The following CLEC16A variants were observed in gnomAD, a reference collection of about 807,000 sequenced individuals.
CLEC16A encodes C-type lectin domain containing 16A.
A neutral mutation model predicts 109.5 loss-of-function variants in CLEC16A; 51 were observed. The observed-to-expected ratio is 0.47, with a 90% CI of 0.37 to 0.59. The LOEUF is 0.59. Ranked by LOEUF, CLEC16A falls within the 20% of genes least tolerant of loss-of-function variation. CLEC16A has a pLI of 0.00. For synonymous variants in CLEC16A, 673 were observed against 564.2 expected (o/e 1.19, Z -2.73); for missense variants, 1,339 against 1,394.0 (o/e 0.96, Z 0.63).
At chr16:11,122,056 C>G (rs74009915) in intron 20 of CLEC16A, among the ~76,000 whole-genome samples, 2,105 of 151,766 alleles carry the variant, frequency 0.014, 32 homozygotes, top group African/African-American at 0.048. Context: ...GAACTTTGCC[C>G]TACTTCAAGG....
At chr16:10,967,998 T>A (rs1193615248) in intron 3 of CLEC16A, among the ~76,000 whole-genome samples, 1 of 152,202 alleles carries the variant, frequency 6.6e-6, no homozygotes, top group Admixed American at 6.5e-5. Flanking sequence ...GTTGCTGTGC[T>A]CCCCATCTGA....
In CLEC16A at chr16:11,028,732, A is replaced by G. The variant is rs1028162441; in HGVS notation, c.1537+3811A>G. On this transcript the variant is annotated intron_variant, in intron 13 of 23. Coordinates refer to ENST00000409790, the MANE Select transcript of CLEC16A (RefSeq NM_015226.3). ...TGTGAACACCACTTAATCAGGAGAT[A>G]GTACAGTTTCATTATCAGAAAAATA... is the stretch of plus-strand genomic sequence containing the variant. Among the ~76,000 whole-genome samples the G allele has an allele frequency of 3.9e-5, 6 of 152,342 alleles. No homozygotes were observed. In the East Asian group the frequency reaches 1.2e-3, roughly 29 times the overall value.
chr16:11,000,145 G>A (rs966962172), intron 10 of CLEC16A, among the ~76,000 whole-genome samples: 1 of 152,142 alleles, frequency 6.6e-6, no homozygotes, highest in Non-Finnish European at 1.5e-5. Flanking sequence ...GCCTCTGAAT[G>A]AACTTTATAT....
intron 22 of CLEC16A, among the ~76,000 whole-genome samples, chr16:11,160,328 G>A (rs753494710): frequency 3.9e-5 from 6 of 152,028 alleles, no homozygotes; most frequent in Non-Finnish European, 5.9e-5. Flanking sequence ...AGTCTCTCTC[G>A]GGCCTCGCTC....
chr16:10,975,842 G>A lies in CLEC16A; in HGVS notation c.729-1383G>A, dbSNP rs571767210. Among the ~76,000 whole-genome samples, 4 of 151,932 alleles carry A rather than the reference G, an allele frequency of 2.6e-5. No homozygotes were observed. The East Asian group carries it at 7.8e-4, about 30-fold the overall frequency. On this transcript the variant is annotated intron_variant, in intron 7 of 23. Transcript: ENST00000409790. ...TTTTTTTAATATTTTTAGTAGAGAC[G>A]GGTTTCACCATGTTGGCCAGGCTGG...
At chr16:10,945,715 G>A (rs2041324181) in intron 1 of CLEC16A, among the ~76,000 whole-genome samples, 1 of 152,190 alleles carries the variant, frequency 6.6e-6, no homozygotes, top group Admixed American at 6.5e-5. Flanking sequence ...GCCAGTAGTG[G>A]TAGCTGTGTT....
At chr16:11,156,425 T>TG (rs1822279439) in intron 22 of CLEC16A, 2 of 306,746 alleles carry the variant, frequency 6.5e-6, no homozygotes, top group Non-Finnish European at 6.4e-6. Context: ...GCCAGAACCT[T>TG]GGGGGGCCAT....
chr16:11,149,410 T>C (rs2054203427), intron 22 of CLEC16A, among the ~76,000 whole-genome samples: 1 of 152,178 alleles, frequency 6.6e-6, no homozygotes. Context: ...GCATTGTTAA[T>C]ATTTCTGTTT....
intron 10 of CLEC16A, among the ~76,000 whole-genome samples, chr16:10,984,324 A>C (rs1055850268): frequency 1.3e-5 from 2 of 152,172 alleles, no homozygotes; most frequent in South Asian, 4.1e-4. Flanking sequence ...TGTCCTTGTT[A>C]GTGGTGGTGG....
At position 11,020,240 on chromosome 16, in the gene CLEC16A, G is replaced by A. The variant is rs200120297; in HGVS notation, c.1351G>A (p.Ala451Thr). ...MERSKLSELA[A>T]STSVQEQNTT... The stretch of plus-strand genomic sequence containing the variant: ...GCGTAGCAAGCTCTCAGAGCTGGCC[G>A]CCAGCACCTCCGTGCAGGAGCAGAA... Residue 451 changes from alanine (A) to threonine (T), a missense_variant, in exon 12 of 24, where the codon GCC (alanine) becomes ACC (threonine). Around this residue, in one of 3 missense-constraint regions of CLEC16A, gnomAD observed 1,061 missense variants for 1,006.8 expected, o/e 1.05. Coordinates refer to ENST00000409790, the MANE Select transcript of CLEC16A (RefSeq NM_015226.3). 27 of 1,613,440 alleles carry A rather than the reference G, an allele frequency of 1.7e-5. No homozygotes were observed. Among genetic ancestry groups the A allele is most frequent in the Middle Eastern group, 1.6e-4 (1 of 6,080 alleles).
At chr16:11,086,971 CAG>C (rs1284372934) in intron 19 of CLEC16A, among the ~76,000 whole-genome samples, 1 of 152,198 alleles carries the variant, frequency 6.6e-6, no homozygotes, top group African/African-American at 2.4e-5. Flanking sequence ...TTTGCCGTGT[CAG>C]AGAACCAACC....
At position 11,180,063 on chromosome 16, in the gene CLEC16A, G is replaced by T. The variant is rs2068910665; in HGVS notation, c.*1373G>T. On this transcript the variant is annotated 3_prime_UTR_variant, in exon 24 of 24. Transcript: ENST00000409790. Reference sequence around the variant, plus strand: ...TGAGACCTTCCACAACTTTCCTCCAGACCTGCCAGCAGATGTGCCCACCAG... The same window carrying T: ...TGAGACCTTCCACAACTTTCCTCCATACCTGCCAGCAGATGTGCCCACCAG... 1 of 152,324 alleles carries T rather than the reference G, an allele frequency of 6.6e-6. No homozygotes were observed. Among genetic ancestry groups the T allele is most frequent in the South Asian group, 2.1e-4 (1 of 4,830 alleles). The allele number at this position is 152,324 out of a possible 1,614,324, so 9.4% of individuals were successfully genotyped here. A position where few individuals can be genotyped will look rare whatever the true frequency, so the allele number is the denominator to read the frequency against.
At chr16:11,116,290 G>T (rs1288259242) in intron 19 of CLEC16A, among the ~76,000 whole-genome samples, 1 of 152,072 alleles carries the variant, frequency 6.6e-6, no homozygotes, top group African/African-American at 2.4e-5. Context: ...AGCTATTAGG[G>T]AGGCTGAGGC....
At chr16:11,085,309 T>C (rs1477162664) in intron 19 of CLEC16A, among the ~76,000 whole-genome samples, 3 of 152,270 alleles carry the variant, frequency 2.0e-5, no homozygotes, top group African/African-American at 7.2e-5. Flanking sequence ...AGGGCACATC[T>C]GTGGCTTATA....
chr16:11,067,183 G>GT (rs1459178844), intron 19 of CLEC16A, among the ~76,000 whole-genome samples: 4 of 104,826 alleles, frequency 3.8e-5, no homozygotes, highest in East Asian at 2.9e-4. Context: ...TTTTTTGTTT[G>GT]TTTTTGTTTT....
At chr16:11,151,279 A>G (rs2054281477) in intron 22 of CLEC16A, among the ~76,000 whole-genome samples, 1 of 152,192 alleles carries the variant, frequency 6.6e-6, no homozygotes, top group Admixed American at 6.5e-5. Context: ...ACCATTCCTT[A>G]GAGTCAGGGG....
intron 23 of CLEC16A, among the ~76,000 whole-genome samples, chr16:11,169,699 G>A (rs3973671): frequency 1.3e-5 from 2 of 152,198 alleles, no homozygotes; most frequent in African/African-American, 4.8e-5. Context: ...CCACGGTTTT[G>A]AACACTTGAA....
At chr16:11,088,183 A>C (rs904074719) in intron 19 of CLEC16A, among the ~76,000 whole-genome samples, 1 of 152,220 alleles carries the variant, frequency 6.6e-6, no homozygotes, top group African/African-American at 2.4e-5. Flanking sequence ...GCCCTTGCTG[A>C]ATCAGATGAA....
chr16:10,960,119 T>G (rs189249435), intron 2 of CLEC16A, among the ~76,000 whole-genome samples: 1 of 152,260 alleles, frequency 6.6e-6, no homozygotes, highest in Non-Finnish European at 1.5e-5. Context: ...AATGTTCCCA[T>G]TGTAAGTGTC....
Sources: gnomAD v4.1 joint callset for allele counts (sites outside exome capture counted in the v4.1 genomes callset) on GRCh38, gnomAD v4.1.1 for gene constraint, gnomAD v4.1.1 regional missense constraint, MANE v1.5 for transcripts, NCBI Gene and HGNC (gene_info 2026-07-23, HGNC 2026-07-21) for gene names.